The following LGALS9 variants were observed in gnomAD, a reference collection of about 807,000 sequenced individuals.
LGALS9 encodes galectin-9.
A neutral mutation model predicts 35.9 loss-of-function variants in LGALS9; 26 were observed. The observed-to-expected ratio is 0.72, with a 90% CI of 0.53 to 1.01. The LOEUF is 1.01. Ranked by LOEUF, LGALS9 falls within the 50% of genes least tolerant of loss-of-function variation. The pLI is 0.00. For synonymous variants in LGALS9, 149 were observed against 172.2 expected, an observed-to-expected ratio of 0.87 and a Z score of 1.06; for missense variants, 347 against 445.8, an observed-to-expected ratio of 0.78 and a Z score of 1.99.
chr17:27,636,106 C>T (rs2074448281), intron 1 of LGALS9, among the ~76,000 whole-genome samples: 1 of 145,720 alleles, frequency 6.9e-6, no homozygotes, highest in Non-Finnish European at 1.5e-5. Context: ...TCCTGGGGCT[C>T]TCACGGTGCC....
chr17:27,642,613 T>C (rs564992474), intron 4 of LGALS9, among the ~76,000 whole-genome samples: 2 of 152,046 alleles, frequency 1.3e-5, no homozygotes, highest in East Asian at 3.9e-4. Context: ...TCAGTTTCCA[T>C]CCTGGTAAGG....
In LGALS9 at chr17:27,649,210, G is replaced by A; in HGVS notation, c.*228G>A. 1.5e-6 allele frequency: 1 copy of A among 657,734 alleles called. No homozygotes were observed. 40.7% of individuals were successfully genotyped at this position (657,734 alleles called of 1,614,324 possible). On this transcript the variant is annotated 3_prime_UTR_variant, in exon 11 of 11. Coordinates refer to ENST00000395473, the MANE Select transcript of LGALS9 (RefSeq NM_009587.3). ...CGCAGCAGCACCTGGGGCTCCAGCTGCTGGAATCCTACCATCCCAGGAGGC... is the reference window on the plus strand; with the variant it reads ...CGCAGCAGCACCTGGGGCTCCAGCTACTGGAATCCTACCATCCCAGGAGGC...
At chr17:27,631,853 AGT>A (rs2074396574) in intron 1 of LGALS9, among the ~76,000 whole-genome samples, 1 of 151,190 alleles carries the variant, frequency 6.6e-6, no homozygotes, top group Non-Finnish European at 1.5e-5. Context: ...GTGCTTTGGG[AGT>A]GTTTCATGTT....
chr17:27,635,183 G>A (rs1567911478), intron 1 of LGALS9, among the ~76,000 whole-genome samples: 1 of 152,260 alleles, frequency 6.6e-6, no homozygotes, highest in South Asian at 2.1e-4. Flanking sequence ...AGGCATGATG[G>A]TTCATGCCTG....
At position 27,640,571 on chromosome 17, in the gene LGALS9, G is replaced by C. The variant is rs1242687220; in HGVS notation, c.132-1G>C. ...AGACTATTTGCTTTCCCTGGGCCTAGGTTTGCTGTGAACTTTCAGACTGGC... is the reference window on the plus strand; with the variant it reads ...AGACTATTTGCTTTCCCTGGGCCTACGTTTGCTGTGAACTTTCAGACTGGC... On this transcript the variant is annotated splice_acceptor_variant, in intron 2 of 10. Transcript: ENST00000395473. LOFTEE classifies it high-confidence loss of function. The C allele has an allele frequency of 6.2e-7, 1 of 1,614,066 alleles. No individual in the cohort carries two copies. Among genetic ancestry groups the C allele is most frequent in the Admixed American group, 1.7e-5 (1 of 60,026 alleles).
chr17:27,647,082 T>C lies in LGALS9; in HGVS notation c.722T>C (p.Ile241Thr). 1 of 1,614,080 alleles carries C rather than the reference T, an allele frequency of 6.2e-7. No individual in the cohort carries two copies. The highest frequency in any genetic ancestry group is 1.1e-5 in the South Asian group (1 of 91,078). ...ILGGLYPSKSILLSGTVLPSA... is the reference protein window; with the variant it reads ...ILGGLYPSKSTLLSGTVLPSA... ...GGAGGGCTGTACCCATCCAAGTCCA[T>C]CCTCCTGTCAGGCACTGTCCTGCCC... is the stretch of plus-strand genomic sequence containing the variant. The change falls in exon 9 of 11, where the codon ATC (isoleucine) becomes ACC (threonine). Residue 241 changes from isoleucine (I) to threonine (T), a missense_variant. Coordinates refer to ENST00000395473, the MANE Select transcript of LGALS9 (RefSeq NM_009587.3).
At chr17:27,632,377 A>G (rs58688016) in intron 1 of LGALS9, among the ~76,000 whole-genome samples, 3,813 of 152,308 alleles carry the variant, frequency 0.025, 165 homozygotes, top group African/African-American at 0.087. Flanking sequence ...CACTGAGTCC[A>G]GAATGAGGCT....
chr17:27,632,672 TCTGGTGA>T (rs1302410246), intron 1 of LGALS9, among the ~76,000 whole-genome samples: 4 of 152,252 alleles, frequency 2.6e-5, no homozygotes, highest in Non-Finnish European at 5.9e-5. Context: ...ATATTATTAT[TCTGGTGA>T]CTGGTTTTTA....
chr17:27,631,373 G>A, intron 1 of LGALS9, 69 bp downstream of exon 1: 1 of 1,607,472 alleles, frequency 6.2e-7, no homozygotes, highest in South Asian at 1.1e-5. Flanking sequence ...CTCTGAGGAA[G>A]CAACTCCTGG....
chr17:27,641,064 C>T (rs1598183794), intron 3 of LGALS9: 1 of 617,458 alleles, frequency 1.6e-6, no homozygotes, highest in East Asian at 3.6e-5. Context: ...TCATTCCATT[C>T]CTCTGCTATA....
In LGALS9 at chr17:27,631,657, G is replaced by A. The variant is rs148767017; in HGVS notation, c.39+353G>A. ...AGTAAGGACGCTACCCGGCATGGTA[G>A]TTAAGGGTGCTTACTGTGAAGGTGG... On this transcript the variant is annotated intron_variant, in intron 1 of 10. Transcript: ENST00000395473. Among the ~76,000 whole-genome samples the A allele has an allele frequency of 3.9e-5, 6 of 152,324 alleles. No individual in the cohort carries two copies. The East Asian group carries it at 1.2e-3, about 29-fold the overall frequency.
chr17:27,640,100 G>A (rs1307776653), intron 2 of LGALS9, among the ~76,000 whole-genome samples: 6 of 151,986 alleles, frequency 3.9e-5, no homozygotes, highest in Non-Finnish European at 8.8e-5. Flanking sequence ...TCAAACTCCT[G>A]GGCTCAAGTG....
intron 1 of LGALS9, among the ~76,000 whole-genome samples, chr17:27,632,928 G>A (rs539162687): frequency 2.6e-4 from 40 of 152,314 alleles, no homozygotes; most frequent in Middle Eastern, 3.4e-3. Flanking sequence ...CACGCGGTTC[G>A]CTGTCCTGCT....
intron 7 of LGALS9, among the ~76,000 whole-genome samples, 172 bp downstream of exon 7, chr17:27,646,083 A>G (rs1359041493): frequency 1.3e-5 from 2 of 152,190 alleles, no homozygotes; most frequent in African/African-American, 4.8e-5. Flanking sequence ...TCCTTGGGAC[A>G]GCAGAGATTC....
chr17:27,631,214 G>A lies in LGALS9; in HGVS notation c.-52G>A, dbSNP rs944185213. The A allele has an allele frequency of 2.5e-6, 4 of 1,613,468 alleles. No homozygotes were observed. In the African/African-American group the frequency reaches 5.3e-5, roughly 22 times the overall value. On this transcript the variant is annotated 5_prime_UTR_variant, in exon 1 of 11. Transcript: ENST00000395473. ...TTTGTTAAGTCGTTCCCTCTACAAAGGACTTCCTAGTGGGTGTGAAAGGCA... is the reference window on the plus strand; with the variant it reads ...TTTGTTAAGTCGTTCCCTCTACAAAAGACTTCCTAGTGGGTGTGAAAGGCA...
chr17:27,640,050 T>A (rs1598182722), intron 2 of LGALS9, among the ~76,000 whole-genome samples: 1 of 150,144 alleles, frequency 6.7e-6, no homozygotes. Flanking sequence ...TTTTTTTTTT[T>A]AACTAGAGAT....
intron 4 of LGALS9, among the ~76,000 whole-genome samples, chr17:27,642,814 A>G: frequency 6.6e-6 from 1 of 152,224 alleles, no homozygotes; most frequent in African/African-American, 2.4e-5. Context: ...GTGAGGAGAC[A>G]GATATCAGAG....
intron 6 of LGALS9, 127 bp from the exon 7 acceptor site, chr17:27,645,734 G>A: frequency 1.4e-6 from 1 of 717,834 alleles, no homozygotes; most frequent in East Asian, 2.7e-5. Flanking sequence ...CCCACCCTCT[G>A]TGGGGTCTGT....
chr17:27,647,130 G>T lies in LGALS9; in HGVS notation c.758+12G>T. 1 of 1,614,174 alleles carries T rather than the reference G, an allele frequency of 6.2e-7. No individual in the cohort carries two copies. Among genetic ancestry groups the T allele is most frequent in the East Asian group, 2.2e-5 (1 of 44,884 alleles). On this transcript the variant is annotated intron_variant, in intron 9 of 10. Transcript: ENST00000395473. ...CCCAGTGCTCAGAGGTAAGCCAAGGGCTCCAGTGACCTCTGGGAAGAGAGA... is the reference window on the plus strand; with the variant it reads ...CCCAGTGCTCAGAGGTAAGCCAAGGTCTCCAGTGACCTCTGGGAAGAGAGA...
Sources: gnomAD v4.1 joint callset for allele counts (sites outside exome capture counted in the v4.1 genomes callset) on GRCh38, gnomAD v4.1.1 for gene constraint, MANE v1.5 for transcripts, NCBI Gene and HGNC (gene_info 2026-07-23, HGNC 2026-07-21) for gene names.